Variants in ADGRL2 observed in about 807,000 individuals in gnomAD.
ADGRL2 encodes the protein adhesion G protein-coupled receptor L2.
In ADGRL2, 44 loss-of-function variants were observed where a neutral mutation model predicts 157.4. The ratio of observed to expected loss-of-function variants is 0.28; its 90% CI spans 0.22 to 0.36. The LOEUF is 0.36. Among genes scored for constraint, ADGRL2 ranks in the 10% least tolerant of loss-of-function variants. ADGRL2 has a pLI of 1.00. For synonymous variants in ADGRL2, 585 were observed against 624.7 expected (o/e 0.94, Z 0.95); for missense variants, 1,510 against 1,768.9 (o/e 0.85, Z 2.63).
chr1:81,710,951 G>C (rs1331112703), intron 1 of ADGRL2, among the ~76,000 whole-genome samples: 1 of 151,962 alleles, frequency 6.6e-6, no homozygotes, highest in African/African-American at 2.4e-5. Flanking sequence ...TTACATTTTG[G>C]ATAGATCTTT....
chr1:81,523,758 AAAAT>A (rs1266087403), intron 2 of ADGRL2, among the ~76,000 whole-genome samples: 1 of 152,192 alleles, frequency 6.6e-6, no homozygotes, highest in African/African-American at 2.4e-5. Context: ...AATAGCAGAA[AAAAT>A]AAATAAATTT....
At chr1:81,872,010 C>T (rs2093709035) in intron 2 of ADGRL2, among the ~76,000 whole-genome samples, 1 of 152,088 alleles carries the variant, frequency 6.6e-6, no homozygotes, top group Non-Finnish European at 1.5e-5. Context: ...CTTGCCCATG[C>T]CTATGTCCTG....
upstream of ADGRL2, among the ~76,000 whole-genome samples, chr1:81,799,073 G>A (rs2087737933): frequency 6.6e-6 from 1 of 152,160 alleles, no homozygotes; most frequent in African/African-American, 2.4e-5. Flanking sequence ...AATTACCTCT[G>A]AGGTCTGAGA....
At chr1:81,535,354 C>T (rs1041528222) in intron 2 of ADGRL2, among the ~76,000 whole-genome samples, 2 of 152,000 alleles carry the variant, frequency 1.3e-5, no homozygotes, top group Admixed American at 6.6e-5. Flanking sequence ...AATGCCTCTA[C>T]CTTTGGATTG....
intron 3 of ADGRL2, among the ~76,000 whole-genome samples, chr1:81,600,929 A>G (rs1238042651): frequency 6.6e-6 from 1 of 152,180 alleles, no homozygotes; most frequent in East Asian, 1.9e-4. Context: ...GTCTTAAATC[A>G]TATTCATTCA....
chr1:81,751,401 C>G (rs2085485278), intron 1 of ADGRL2, among the ~76,000 whole-genome samples: 1 of 152,226 alleles, frequency 6.6e-6, no homozygotes, highest in Non-Finnish European at 1.5e-5. Flanking sequence ...CATAGCATCA[C>G]TTTTGTGATT....
At chr1:81,458,194 G>C (rs1014759166) in intron 2 of ADGRL2, among the ~76,000 whole-genome samples, 5 of 152,134 alleles carry the variant, frequency 3.3e-5, no homozygotes, top group African/African-American at 1.2e-4. Flanking sequence ...TTTGCCAATG[G>C]TTGGTAAATA....
chr1:81,452,932 A>G (rs2077729188), intron 2 of ADGRL2, among the ~76,000 whole-genome samples: 1 of 152,190 alleles, frequency 6.6e-6, no homozygotes. Context: ...AGACACGGCA[A>G]TATTTTAAAA....
intron 1 of ADGRL2, among the ~76,000 whole-genome samples, chr1:81,369,974 A>AGTGATG (rs2076134045): frequency 6.6e-6 from 1 of 152,126 alleles, no homozygotes; most frequent in African/African-American, 2.4e-5. Flanking sequence ...TTCCTTACAG[A>AGTGATG]GTGATGTCAT....
In ADGRL2 at chr1:81,986,888, T is replaced by G; in HGVS notation, c.3509-13T>G. 6.3e-7 allele frequency: 1 copy of G among 1,592,122 alleles called. No homozygotes were observed. The highest frequency in any genetic ancestry group is 1.2e-5 in the South Asian group (1 of 86,382). ...TTTCTCTGTTTTTTTGTTGTTTTTT[T>G]TTTTTACTTTAGGAATGACTGGCAA... On this transcript the variant is annotated splice_polypyrimidine_tract_variant and intron_variant, in intron 21 of 23. Coordinates refer to ENST00000686636, the MANE Select transcript of ADGRL2 (RefSeq NM_001366006.2).
intron 2 of ADGRL2, among the ~76,000 whole-genome samples, chr1:81,492,322 T>C (rs1305922455): frequency 6.6e-6 from 1 of 152,208 alleles, no homozygotes; most frequent in East Asian, 1.9e-4. Flanking sequence ...TTTATGTAAA[T>C]ATCTTTGTAA....
At position 81,405,508 on chromosome 1, in the gene ADGRL2, A is replaced by T. The variant is rs1484304486; in HGVS notation, c.-301-39528A>T. 1.4e-4 allele frequency among the ~76,000 whole-genome samples: 22 copies of T among 151,850 alleles called. 1 individual carries two copies. The highest frequency in any genetic ancestry group is 1.4e-3 in the Admixed American group (22 of 15,228). ...CCATGAATAATTTTAAAAATTAGCC[A>T]TGGGGGTGTTGCCCACCTGCAGTCT... On this transcript the variant is annotated intron_variant, in intron 1 of 24. Transcript: ENST00000370721.
At chr1:81,760,654 A>C (rs576300277) in intron 1 of ADGRL2, among the ~76,000 whole-genome samples, 8 of 152,006 alleles carry the variant, frequency 5.3e-5, no homozygotes, top group Admixed American at 5.2e-4. Context: ...AAGCTGCCAC[A>C]TTTGAGCTTA....
At chr1:81,481,752 CT>C (rs1169192709) in intron 2 of ADGRL2, among the ~76,000 whole-genome samples, 6 of 152,114 alleles carry the variant, frequency 3.9e-5, no homozygotes, top group African/African-American at 1.4e-4. Context: ...TCAGAAAACA[CT>C]TTGAAAATGG....
intron 1 of ADGRL2, among the ~76,000 whole-genome samples, chr1:81,746,718 T>A (rs561688132): frequency 6.6e-6 from 1 of 152,200 alleles, no homozygotes; most frequent in East Asian, 1.9e-4. Context: ...AAAATCATAT[T>A]ATCATAATTA....
At chr1:81,619,012 G>A (rs1403658381) in intron 3 of ADGRL2, among the ~76,000 whole-genome samples, 1 of 152,138 alleles carries the variant, frequency 6.6e-6, no homozygotes, top group African/African-American at 2.4e-5. Flanking sequence ...CCTTTAAAAT[G>A]AAGACTGTTT....
intron 2 of ADGRL2, among the ~76,000 whole-genome samples, chr1:81,539,667 A>C (rs1325822583): frequency 2.6e-5 from 4 of 152,206 alleles, no homozygotes; most frequent in Non-Finnish European, 1.5e-5. Context: ...AAGACTAAGA[A>C]GGCAGACTGA....
At position 81,552,482 on chromosome 1, in the gene ADGRL2, TTCTG is replaced by T. The variant is rs1441240081; in HGVS notation, c.-247-28390_-247-28387del. On this transcript the variant is annotated intron_variant, in intron 2 of 24. Coordinates refer to the ADGRL2 transcript ENST00000370721. The stretch of plus-strand genomic sequence containing the variant: ...GCCACTCAATCAATTTCCTTTTCCT[TTCTG>T]TCTCCCATCTAAATGTGGATCTCTC... Among the ~76,000 whole-genome samples, 3 of 152,162 alleles carry T rather than the reference TTCTG, an allele frequency of 2.0e-5. No individual in the cohort carries two copies. In the South Asian group the frequency reaches 6.2e-4, roughly 32 times the overall value.
intron 2 of ADGRL2, among the ~76,000 whole-genome samples, chr1:81,454,546 A>G (rs980140616): frequency 6.6e-5 from 10 of 152,228 alleles, no homozygotes; most frequent in African/African-American, 2.4e-4. Flanking sequence ...GTAGCAGAAC[A>G]TTTCAGACTT....
Sources: allele counts gnomAD v4.1 joint callset (sites outside exome capture counted in the v4.1 genomes callset), GRCh38; gene constraint gnomAD v4.1.1; transcripts MANE v1.5; gene names NCBI Gene and HGNC (gene_info 2026-07-23, HGNC 2026-07-21).